Variants in TNFSF4 observed in about 807,000 individuals in gnomAD.
TNFSF4 encodes tumor necrosis factor ligand superfamily member 4.
Under a neutral mutation model 7.3 loss-of-function variants are expected in TNFSF4, and 4 were observed. The ratio of observed to expected loss-of-function variants is 0.55; its 90% CI spans 0.27 to 1.25. TNFSF4 has a LOEUF of 1.25. Among genes scored for constraint, TNFSF4 ranks in the 50% most tolerant of loss-of-function variants. The pLI is 0.12. For missense variants in TNFSF4, 181 were observed against 208.8 expected (o/e 0.87, Z 0.82); for synonymous variants, 76 against 83.7 (o/e 0.91, Z 0.50).
the TNFSF4 span, among the ~76,000 whole-genome samples, chr1:173,310,667 T>C: frequency 6.6e-6 from 1 of 151,550 alleles, no homozygotes; most frequent in Non-Finnish European, 1.5e-5. Context: ...TTATTGTACT[T>C]TTTCTTTTTT....
chr1:173,178,366 G>GT, the TNFSF4 span, among the ~76,000 whole-genome samples: 9 of 152,258 alleles, frequency 5.9e-5, no homozygotes, highest in South Asian at 1.5e-3. Context: ...ACGAGGTTAG[G>GT]AGATCCAGGC....
the TNFSF4 span, among the ~76,000 whole-genome samples, chr1:173,439,159 C>T: frequency 6.6e-6 from 1 of 152,198 alleles, no homozygotes; most frequent in African/African-American, 2.4e-5. Context: ...CCCAGCTGAG[C>T]ATATCTCTTC....
chr1:173,320,331 C>A, the TNFSF4 span, among the ~76,000 whole-genome samples: 13 of 152,232 alleles, frequency 8.5e-5, no homozygotes, highest in African/African-American at 2.9e-4. Context: ...TGAAACATAT[C>A]TCAAAATAAT....
the TNFSF4 span, among the ~76,000 whole-genome samples, chr1:173,428,240 C>G: frequency 6.6e-6 from 1 of 152,218 alleles, no homozygotes; most frequent in South Asian, 2.1e-4. Flanking sequence ...CCACCACGCC[C>G]GACCTCTATT....
the TNFSF4 span, among the ~76,000 whole-genome samples, chr1:173,234,505 T>C: frequency 2.0e-5 from 3 of 152,324 alleles, no homozygotes; most frequent in South Asian, 6.2e-4. Flanking sequence ...TGTATGTTTA[T>C]TGCAGCACTA....
chr1:173,250,994 A>T, the TNFSF4 span, among the ~76,000 whole-genome samples: 1 of 152,174 alleles, frequency 6.6e-6, no homozygotes, highest in Admixed American at 6.5e-5. Context: ...GTCACCTGGG[A>T]ACTTGTTAGA....
the TNFSF4 span, among the ~76,000 whole-genome samples, chr1:173,349,485 A>T: frequency 6.6e-6 from 1 of 152,220 alleles, no homozygotes; most frequent in African/African-American, 2.4e-5. Flanking sequence ...GAAGTAATGC[A>T]CTTCAGCTCT....
rs2101977018 is a variant in TNFSF4, at chr1:173,183,981, A to G, written c.*2535T>C. 1.3e-5 allele frequency: 2 copies of G among 152,346 alleles called. No individual in the cohort carries two copies. The highest frequency in any genetic ancestry group is 1.9e-4 in the East Asian group (1 of 5,182). The allele number at this position is 152,346 out of a possible 1,614,324, so 9.4% of individuals were successfully genotyped here. On this transcript the variant is annotated 3_prime_UTR_variant, in exon 3 of 3. Coordinates refer to ENST00000281834, the MANE Select transcript of TNFSF4 (RefSeq NM_003326.5). Reference sequence around the variant, plus strand: ...ATTGATAACTGCTCTTGAAGGACTCACAAAGATGGCTGAGGAAGATGTAAG... The same window carrying G: ...ATTGATAACTGCTCTTGAAGGACTCGCAAAGATGGCTGAGGAAGATGTAAG...
the TNFSF4 span, among the ~76,000 whole-genome samples, chr1:173,423,345 C>G: frequency 6.6e-6 from 1 of 152,210 alleles, no homozygotes; most frequent in Non-Finnish European, 1.5e-5. Flanking sequence ...TATTCCCCTT[C>G]TTTTCCACCT....
At chr1:173,254,671 G>A in the TNFSF4 span, among the ~76,000 whole-genome samples, 3 of 152,280 alleles carry the variant, frequency 2.0e-5, no homozygotes, top group South Asian at 4.1e-4. Context: ...GGAAGAGTAG[G>A]AATCACCAGA....
At chr1:173,422,964 A>G in the TNFSF4 span, among the ~76,000 whole-genome samples, 24,726 of 126,882 alleles carry the variant, frequency 0.19, 2,751 homozygotes, top group African/African-American at 0.34. Flanking sequence ...ACATACATAT[A>G]TATATGTACA....
the TNFSF4 span, among the ~76,000 whole-genome samples, chr1:173,397,549 C>T: frequency 6.6e-6 from 1 of 152,168 alleles, no homozygotes; most frequent in Non-Finnish European, 1.5e-5. Context: ...CAGTTCATCT[C>T]ATAGTGGGCC....
At chr1:173,442,581 G>A in the TNFSF4 span, among the ~76,000 whole-genome samples, 19 of 120,964 alleles carry the variant, frequency 1.6e-4, no homozygotes, top group Non-Finnish European at 2.9e-4. Context: ...ACAGAGTCTC[G>A]CTTTGTCGTC....
the TNFSF4 span, among the ~76,000 whole-genome samples, chr1:173,375,665 C>T: frequency 0.63 from 94,478 of 150,550 alleles, 29,706 homozygotes; most frequent in Admixed American, 0.69. Flanking sequence ...ACCAATCAGC[C>T]GGATCCTAAA....
chr1:173,434,885 A>C, the TNFSF4 span, among the ~76,000 whole-genome samples: 1 of 152,232 alleles, frequency 6.6e-6, no homozygotes, highest in African/African-American at 2.4e-5. Context: ...GAGAAATCTA[A>C]TGCCCCATGG....
the TNFSF4 span, among the ~76,000 whole-genome samples, chr1:173,226,506 C>T: frequency 6.6e-6 from 1 of 152,212 alleles, no homozygotes; most frequent in African/African-American, 2.4e-5. Context: ...CCATGATTGA[C>T]CTCAAAGAGC....
chr1:173,395,026 A>AAAT, the TNFSF4 span, among the ~76,000 whole-genome samples: 1 of 118,884 alleles, frequency 8.4e-6, no homozygotes, highest in Non-Finnish European at 1.8e-5. Flanking sequence ...ATAGATAGAT[A>AAAT]GATAGATAGA....
the TNFSF4 span, among the ~76,000 whole-genome samples, chr1:173,446,187 T>C: frequency 1.3e-5 from 2 of 151,438 alleles, no homozygotes; most frequent in South Asian, 4.2e-4. Context: ...CTATCGTAAC[T>C]ATGCTCCACA....
At chr1:173,199,296 T>G (rs942414300) in intron 1 of TNFSF4, among the ~76,000 whole-genome samples, 3 of 152,202 alleles carry the variant, frequency 2.0e-5, no homozygotes, top group Non-Finnish European at 4.4e-5. Flanking sequence ...ATAGTGTCCC[T>G]CCAAACTTCA....
Sources: allele counts gnomAD v4.1 joint callset (sites outside exome capture counted in the v4.1 genomes callset), GRCh38; gene constraint gnomAD v4.1.1; transcripts MANE v1.5; gene names NCBI Gene and HGNC (gene_info 2026-07-23, HGNC 2026-07-21).